Variants in SASH1 observed in about 807,000 individuals in gnomAD.
SASH1 encodes SAM and SH3 domain containing 1.
In SASH1, 44 loss-of-function variants were observed where a neutral mutation model predicts 125.2. The observed-to-expected ratio is 0.35, with a 90% CI of 0.28 to 0.45. The LOEUF is 0.45. SASH1 is among the 20% of genes least tolerant of loss of function. SASH1 has a pLI of 1.00. For synonymous variants in SASH1, 639 were observed against 649.1 expected, an observed-to-expected ratio of 0.98 and a Z score of 0.24; for missense variants, 1,426 against 1,614.5, an observed-to-expected ratio of 0.88 and a Z score of 2.00.
Position 148,495,998 on chromosome 6 carries a change from G to A in SASH1, c.729+8283G>A, listed in dbSNP as rs1290844011. Among the ~76,000 whole-genome samples the A allele has an allele frequency of 1.4e-5, 2 of 140,806 alleles. No homozygotes were observed. The highest frequency in any genetic ancestry group is 3.1e-5 in the Non-Finnish European group (2 of 63,978). The allele number at this position is 140,806 out of a possible 152,430, so 92.4% of individuals were successfully genotyped here. On this transcript the variant is annotated intron_variant, in intron 8 of 19. Coordinates refer to ENST00000367467, the MANE Select transcript of SASH1 (RefSeq NM_015278.5). The surrounding 1 kb of genome is among the most constrained non-coding windows in gnomAD (Gnocchi z 4.0). ...TTACAGGCGCACGCCATCACGCCTG[G>A]CTAATTTTTTTTTTTTTTTTGTATT... is the stretch of plus-strand genomic sequence containing the variant.
intron 4 of SASH1, among the ~76,000 whole-genome samples, chr6:148,461,298 G>T (rs561853155): frequency 3.6e-4 from 55 of 152,248 alleles, no homozygotes; most frequent in African/African-American, 1.1e-3. Context: ...CATTTATAAA[G>T]GTGACCCTGT....
intron 12 of SASH1, among the ~76,000 whole-genome samples, chr6:148,528,185 G>A (rs1781305350): frequency 1.3e-5 from 2 of 152,022 alleles, no homozygotes; most frequent in African/African-American, 4.8e-5. Flanking sequence ...TTTCCCCCCT[G>A]GATCTATAAT....
chr6:148,415,244 ATTTG>A (rs2114922310), intron 2 of SASH1, among the ~76,000 whole-genome samples: 1 of 152,268 alleles, frequency 6.6e-6, no homozygotes, highest in East Asian at 1.9e-4. Context: ...AGTGATAATT[ATTTG>A]TTTGTCTAGG....
At chr6:148,358,727 G>GGTTTTTTTTTTTTTTT (rs1239319632) in intron 1 of SASH1, among the ~76,000 whole-genome samples, 2 of 98,788 alleles carry the variant, frequency 2.0e-5, no homozygotes, top group Non-Finnish European at 2.2e-5. Context: ...CTAATGCCAT[G>GGTTTTTTTTTTTTTTT]TTTTTGTTTT....
chr6:148,298,667 G>GGAAGGAAGGAAGGA (rs1779831332), intron 1 of SASH1, among the ~76,000 whole-genome samples: 18 of 55,712 alleles, frequency 3.2e-4, no homozygotes, highest in East Asian at 7.9e-4. Context: ...GGGAGGGAGG[G>GGAAGGAAGGAAGGA]AGGAAGGAAG....
chr6:148,390,523 A>G (rs1783659175), intron 2 of SASH1, among the ~76,000 whole-genome samples: 1 of 152,218 alleles, frequency 6.6e-6, no homozygotes, highest in African/African-American at 2.4e-5. Flanking sequence ...GCTGTGGCTC[A>G]CGCCTGTAAT....
At position 148,548,429 on chromosome 6, in the gene SASH1, A is replaced by G. The variant is rs1782692075; in HGVS notation, c.3615A>G (p.Thr1205=). The G allele has an allele frequency of 3.7e-6, 6 of 1,614,048 alleles. No individual in the cohort carries two copies. The highest frequency in any genetic ancestry group is 1.3e-5 in the African/African-American group (1 of 74,924). The change falls in exon 20 of 20, where the codon ACA becomes ACG. Residue 1205 remains threonine, a synonymous_variant. Coordinates refer to ENST00000367467, the MANE Select transcript of SASH1 (RefSeq NM_015278.5). The part of the protein sequence containing the change: ...AGTLSTAGFS[T]LSQVPSLSHT... Reference sequence around the variant, plus strand: ...CCCTCTCCACCGCGGGCTTCAGCACACTGAGCCAAGTGCCTTCTCTGTCTC... The same window carrying G: ...CCCTCTCCACCGCGGGCTTCAGCACGCTGAGCCAAGTGCCTTCTCTGTCTC...
At chr6:148,255,663 G>A in the SASH1 span, among the ~76,000 whole-genome samples, 2 of 151,940 alleles carry the variant, frequency 1.3e-5, no homozygotes, top group East Asian at 3.9e-4. Context: ...TTTGAGACAG[G>A]GTCTTTCCCC....
chr6:148,545,229 A>G (rs374377587), intron 18 of SASH1, among the ~76,000 whole-genome samples: 60 of 152,304 alleles, frequency 3.9e-4, no homozygotes, highest in African/African-American at 1.3e-3. Context: ...TTCAAAAAAA[A>G]TGAGATCTAC....
Position 148,533,076 on chromosome 6 carries a change from A to G in SASH1, c.1734+110A>G, listed in dbSNP as rs1178263539. On this transcript the variant is annotated intron_variant, in intron 14 of 19. Transcript: ENST00000367467. This position sits in a 1 kb window ranked among gnomAD's most constrained non-coding sequence, Gnocchi z 6.2. ...TGGGCTACTATGGTACAGACTGGAC[A>G]GTATCTTGGCTACCTCGATCACTGG... 40 of 1,216,038 alleles carry G rather than the reference A, an allele frequency of 3.3e-5. No individual in the cohort carries two copies. Among genetic ancestry groups the G allele is most frequent in the Non-Finnish European group, 4.2e-5 (36 of 850,404 alleles). 75.3% of individuals were successfully genotyped at this position (1,216,038 alleles called of 1,614,324 possible). A position where few individuals can be genotyped will look rare whatever the true frequency, so the allele number is the denominator to read the frequency against.
intron 2 of SASH1, among the ~76,000 whole-genome samples, chr6:148,419,322 A>T (rs1784948794): frequency 6.6e-6 from 1 of 152,160 alleles, no homozygotes; most frequent in South Asian, 2.1e-4. Context: ...GATTCTCTTT[A>T]TGTTTTATAG....
At chr6:148,307,078 TTCTTTCTTTCTTTCTTTCTC>T (rs1275401059) in intron 1 of SASH1, among the ~76,000 whole-genome samples, 17 of 127,524 alleles carry the variant, frequency 1.3e-4, no homozygotes, top group Non-Finnish European at 1.8e-4. Context: ...CTTTCTTTCT[TTCTTTCTTTCTTTCTTTCTC>T]TCTCTCTGTC....
chr6:148,546,850 T>C (rs969813966), intron 19 of SASH1, among the ~76,000 whole-genome samples: 14 of 152,080 alleles, frequency 9.2e-5, no homozygotes, highest in African/African-American at 2.4e-5. Context: ...GATTGTTGGC[T>C]ATTATCAGAT....
chr6:148,352,474 G>A (rs1178792860), intron 1 of SASH1, among the ~76,000 whole-genome samples: 6 of 152,014 alleles, frequency 3.9e-5, no homozygotes, highest in Non-Finnish European at 7.4e-5. Context: ...GCAGGCGCCT[G>A]TAGTCCCAGC....
intron 7 of SASH1, 107 bp from the exon 8 acceptor site, chr6:148,487,506 AT>A: frequency 1.3e-6 from 1 of 782,748 alleles, no homozygotes; most frequent in Non-Finnish European, 2.1e-6. Flanking sequence ...TGAGCACAAG[AT>A]TATGAACCAG....
At chr6:148,308,273 C>CA (rs1562317229) in intron 1 of SASH1, among the ~76,000 whole-genome samples, 22 of 140,278 alleles carry the variant, frequency 1.6e-4, no homozygotes, top group African/African-American at 5.6e-4. Context: ...ATATTAAATC[C>CA]GCCCCCCCCA....
intron 8 of SASH1, among the ~76,000 whole-genome samples, chr6:148,492,827 T>TATAAATAA (rs4052629): frequency 2.3e-4 from 33 of 145,590 alleles, no homozygotes; most frequent in East Asian, 6.1e-4. Context: ...TCTCATAAAA[T>TATAAATAA]ATAAATAAAT....
intron 1 of SASH1, among the ~76,000 whole-genome samples, chr6:148,366,164 T>C (rs1782448740): frequency 6.6e-6 from 1 of 151,852 alleles, no homozygotes; most frequent in Admixed American, 6.6e-5. Flanking sequence ...GCTGCCTGTA[T>C]TTCCAACTAC....
chr6:148,364,058 T>G (rs533347384), intron 1 of SASH1, among the ~76,000 whole-genome samples: 1 of 151,884 alleles, frequency 6.6e-6, no homozygotes, highest in Admixed American at 6.6e-5. Flanking sequence ...AAATGGAGAG[T>G]TAGAAAAATA....
Sources: allele counts gnomAD v4.1 joint callset (sites outside exome capture counted in the v4.1 genomes callset), GRCh38; gene constraint gnomAD v4.1.1; non-coding constraint Gnocchi (gnomAD v3.1); transcripts MANE v1.5; gene names NCBI Gene and HGNC (gene_info 2026-07-23, HGNC 2026-07-21).